The following KCNMA1 variants were observed in gnomAD, a reference collection of about 807,000 sequenced individuals.
KCNMA1 encodes the protein Calcium-activated potassium channel subunit alpha-1.
Under a neutral mutation model 140.0 loss-of-function variants are expected in KCNMA1, and 29 were observed. The ratio of observed to expected loss-of-function variants is 0.21; its 90% CI spans 0.15 to 0.28. The LOEUF is 0.28. KCNMA1 is among the 10% of genes least tolerant of loss of function. The pLI, the probability that KCNMA1 is intolerant of heterozygous loss-of-function variation, is 1.00. For synonymous variants in KCNMA1, 612 were observed against 611.9 expected (o/e 1.00, Z 0.00); for missense variants, 880 against 1,602.2 (o/e 0.55, Z 7.70).
At chr10:77,475,968 C>G (rs2098269064) in intron 1 of KCNMA1, among the ~76,000 whole-genome samples, 1 of 152,194 alleles carries the variant, frequency 6.6e-6, no homozygotes, top group Non-Finnish European at 1.5e-5. Context: ...TCAAAATCTT[C>G]CTCTTCAACA....
chr10:77,386,542 C>G (rs2095610091), intron 2 of KCNMA1, among the ~76,000 whole-genome samples: 1 of 152,218 alleles, frequency 6.6e-6, no homozygotes, highest in Admixed American at 6.5e-5. Flanking sequence ...AAGGCTTTGT[C>G]TGATACCACA....
intron 16 of KCNMA1, chr10:77,020,125 C>T (rs1593835228): frequency 6.6e-6 from 1 of 152,058 alleles, no homozygotes; most frequent in Admixed American, 6.6e-5. Context: ...CAGAGGTATT[C>T]CTTGTTCTGA....
intron 1 of KCNMA1, among the ~76,000 whole-genome samples, chr10:77,457,383 A>C (rs2097778105): frequency 6.6e-6 from 1 of 152,072 alleles, no homozygotes; most frequent in Non-Finnish European, 1.5e-5. Context: ...GAACATGTCC[A>C]TCATTATATC....
At chr10:77,007,394 A>G (rs867561480) in intron 18 of KCNMA1, among the ~76,000 whole-genome samples, 1 of 152,086 alleles carries the variant, frequency 6.6e-6, no homozygotes, top group Non-Finnish European at 1.5e-5. Flanking sequence ...TTTGTTGTAA[A>G]GCAAGGGAAC....
intron 17 of KCNMA1, among the ~76,000 whole-genome samples, chr10:77,014,531 T>C (rs1042077938): frequency 4.6e-5 from 7 of 152,192 alleles, no homozygotes; most frequent in African/African-American, 1.7e-4. Context: ...CTTGAACTTA[T>C]TCCACCTGTC....
intron 1 of KCNMA1, among the ~76,000 whole-genome samples, chr10:77,439,765 T>C (rs988122084): frequency 6.6e-6 from 1 of 152,184 alleles, no homozygotes; most frequent in Non-Finnish European, 1.5e-5. Context: ...CTGTGTCTTT[T>C]AGCTGCATTC....
chr10:77,386,563 T>C (rs1220952257), intron 2 of KCNMA1, among the ~76,000 whole-genome samples: 1 of 152,258 alleles, frequency 6.6e-6, no homozygotes, highest in Non-Finnish European at 1.5e-5. Flanking sequence ...GTGAAACAGA[T>C]GCCAGGGTGC....
chr10:77,414,748 C>T (rs976010247), intron 1 of KCNMA1, among the ~76,000 whole-genome samples: 1 of 152,080 alleles, frequency 6.6e-6, no homozygotes, highest in Admixed American at 6.5e-5. Flanking sequence ...CCTCAGCCTC[C>T]CAAAGTGCTG....
At chr10:77,486,170 G>A (rs2098458233) in intron 1 of KCNMA1, among the ~76,000 whole-genome samples, 1 of 152,168 alleles carries the variant, frequency 6.6e-6, no homozygotes, top group Admixed American at 6.5e-5. Context: ...CCGTGGCCAG[G>A]ACAGACCTTC....
intron 1 of KCNMA1, among the ~76,000 whole-genome samples, chr10:77,408,724 G>A (rs901381504): frequency 3.9e-5 from 6 of 152,176 alleles, no homozygotes; most frequent in South Asian, 2.1e-4. Flanking sequence ...AGGCCATCGC[G>A]TGGGGAGGCC....
intron 1 of KCNMA1, among the ~76,000 whole-genome samples, chr10:77,517,249 G>A (rs77364545): frequency 1.3e-3 from 199 of 152,206 alleles, no homozygotes; most frequent in African/African-American, 4.5e-3. Flanking sequence ...CAGTGTCACC[G>A]GAACCCAGGC....
At chr10:77,499,432 CACAT>C (rs1360355019) in intron 1 of KCNMA1, among the ~76,000 whole-genome samples, 26 of 134,940 alleles carry the variant, frequency 1.9e-4, no homozygotes, top group African/African-American at 6.0e-4. Context: ...TACACACACA[CACAT>C]ACACACACAC....
chr10:76,961,192 T>A (rs2153061821), intron 20 of KCNMA1, among the ~76,000 whole-genome samples: 1 of 149,538 alleles, frequency 6.7e-6, no homozygotes, highest in South Asian at 2.2e-4. Flanking sequence ...TGGGAGGAGG[T>A]GAAAATATCA....
At chr10:76,959,275 A>G (rs1226926282) in intron 20 of KCNMA1, among the ~76,000 whole-genome samples, 1 of 152,218 alleles carries the variant, frequency 6.6e-6, no homozygotes, top group African/African-American at 2.4e-5. Context: ...TATAGAGTCC[A>G]TCTCCAAATG....
chr10:77,353,131 G>T (rs1488576604), intron 2 of KCNMA1, among the ~76,000 whole-genome samples: 1 of 152,204 alleles, frequency 6.6e-6, no homozygotes, highest in Non-Finnish European at 1.5e-5. Flanking sequence ...TTCAAATGAG[G>T]CTGTGACAAA....
At position 76,915,165 on chromosome 10, in the gene KCNMA1, G is replaced by T. The variant is rs570137548; in HGVS notation, c.2903-116C>A. The T allele has an allele frequency of 3.8e-5, 27 of 717,648 alleles. 1 individual carries two copies. The highest frequency in any genetic ancestry group is 6.4e-5 in the Non-Finnish European group (25 of 392,482). The allele number at this position is 717,648 out of a possible 1,614,324, so 44.5% of individuals were successfully genotyped here. Reference sequence around the variant, plus strand: ...AATGTAGCTTATGCATTATTCACAGGTCAACAATTAGTATTCCCGGGATAA... The same window carrying T: ...AATGTAGCTTATGCATTATTCACAGTTCAACAATTAGTATTCCCGGGATAA... On this transcript the variant is annotated intron_variant, in intron 23 of 27. Transcript: ENST00000286628.
chr10:77,264,325 T>C (rs1199645890), intron 2 of KCNMA1, among the ~76,000 whole-genome samples: 2 of 152,072 alleles, frequency 1.3e-5, no homozygotes, highest in African/African-American at 4.8e-5. Flanking sequence ...CCTCTACATG[T>C]GTGGGGCATT....
intron 1 of KCNMA1, among the ~76,000 whole-genome samples, chr10:77,463,032 G>A (rs2097908697): frequency 6.6e-6 from 1 of 152,164 alleles, no homozygotes; most frequent in Non-Finnish European, 1.5e-5. Flanking sequence ...GGGAGAAGGT[G>A]GAAGAAACCA....
At chr10:77,445,365 G>GAGACACACAC (rs371623216) in intron 1 of KCNMA1, among the ~76,000 whole-genome samples, 4 of 141,174 alleles carry the variant, frequency 2.8e-5, no homozygotes, top group African/African-American at 1.0e-4. Flanking sequence ...CACATACACA[G>GAGACACACAC]ACACACACAC....
Sources: allele counts gnomAD v4.1 joint callset (sites outside exome capture counted in the v4.1 genomes callset), GRCh38; gene constraint gnomAD v4.1.1; transcripts MANE v1.5; gene names NCBI Gene and HGNC (gene_info 2026-07-23, HGNC 2026-07-21).